The following NID2 variants were observed in gnomAD, a reference collection of about 807,000 sequenced individuals.
NID2 encodes nidogen-2.
NID2 carries 83 observed loss-of-function variants against 145.4 expected under a neutral mutation model. The observed-to-expected ratio is 0.57, with a 90% CI of 0.48 to 0.69. The LOEUF (loss-of-function observed/expected upper bound fraction) is 0.69. NID2 is among the 30% of genes least tolerant of loss of function. The probability of loss-of-function intolerance (pLI) is 0.00; values close to 1 mark genes in which losing one functional copy is unlikely to be tolerated. For synonymous variants in NID2, 739 were observed against 701.3 expected (o/e 1.05, Z -0.85); for missense variants, 1,807 against 1,765.7 (o/e 1.02, Z -0.42).
intron 2 of NID2, among the ~76,000 whole-genome samples, chr14:52,063,756 T>G (rs1186297728): frequency 2.0e-5 from 3 of 152,242 alleles, no homozygotes; most frequent in African/African-American, 7.2e-5. Context: ...CAGTGTTTGC[T>G]GTGAACACTA....
chr14:52,012,169 C>A (rs1234206341), intron 16 of NID2: 2 of 153,950 alleles, frequency 1.3e-5, no homozygotes, highest in Non-Finnish European at 2.9e-5. Flanking sequence ...TTCCCAGAGC[C>A]TTAATAAAAT....
chr14:52,006,375 A>G, intron 20 of NID2, 162 bp downstream of exon 20: 1 of 740,334 alleles, frequency 1.4e-6, no homozygotes, highest in Non-Finnish European at 2.2e-6. Flanking sequence ...GAAAGGATGA[A>G]AAACATCCTT....
At position 52,007,813 on chromosome 14, in the gene NID2, C is replaced by T. The variant is rs1368572613; in HGVS notation, c.3877G>A (p.Ala1293Thr). 1 of 1,613,474 alleles carries T rather than the reference C, an allele frequency of 6.2e-7. No homozygotes were observed. The highest frequency in any genetic ancestry group is 8.5e-7 in the Non-Finnish European group (1 of 1,179,644). The change falls in exon 19 of 22, where the codon GCA (alanine) becomes ACA (threonine). Residue 1293 changes from alanine (A) to threonine (T), a missense_variant. By Grantham distance (58) the Ala-to-Thr change is moderately conservative. Coordinates refer to ENST00000216286, the MANE Select transcript of NID2 (RefSeq NM_007361.4). ...PFSKLLCWAD[A>T]GTKKLECTLP... The stretch of plus-strand genomic sequence containing the variant: ...TGCATTCCATCAGTAGTATTACCTG[C>T]ATCTGCCCAGCAGAGCAGTTTAGAG...
intron 5 of NID2, among the ~76,000 whole-genome samples, chr14:52,047,582 G>A (rs1351948429): frequency 6.6e-6 from 1 of 152,148 alleles, no homozygotes; most frequent in Non-Finnish European, 1.5e-5. Context: ...CTGGTCCCTT[G>A]GTGGTAAGAA....
intron 2 of NID2, 97 bp from the exon 3 acceptor site, chr14:52,060,453 C>G: frequency 1.5e-6 from 1 of 650,422 alleles, no homozygotes; most frequent in Non-Finnish European, 2.4e-6. Flanking sequence ...AGCAAAGCAT[C>G]ATAACGTGCA....
intron 14 of NID2, among the ~76,000 whole-genome samples, chr14:52,016,870 G>T (rs1033057666): frequency 6.6e-6 from 1 of 152,180 alleles, no homozygotes; most frequent in African/African-American, 2.4e-5. Context: ...AAAAGACTGC[G>T]AATGAAGTTG....
Position 52,064,644 on chromosome 14 carries a change from T to A in NID2, c.534+3214A>T, listed in dbSNP as rs180790143. ...ACATGATTTTCAGAGGGGACAAATA[T>A]TCAACCATAGCGGGCAACCTTGCAC... On this transcript the variant is annotated intron_variant, in intron 2 of 21. Coordinates refer to ENST00000216286, the MANE Select transcript of NID2 (RefSeq NM_007361.4). Among the ~76,000 whole-genome samples the A allele has an allele frequency of 4.1e-4, 62 of 152,330 alleles. No individual in the cohort carries two copies. The East Asian group carries it at 0.011, about 28-fold the overall frequency.
chr14:52,063,240 G>A (rs1030479763), intron 2 of NID2, among the ~76,000 whole-genome samples: 6 of 152,232 alleles, frequency 3.9e-5, no homozygotes, highest in African/African-American at 7.2e-5. Context: ...TCTCCAAAGA[G>A]AAGCCCTCAG....
At chr14:52,048,166 C>T (rs1270226038) in intron 5 of NID2, among the ~76,000 whole-genome samples, 2 of 152,200 alleles carry the variant, frequency 1.3e-5, no homozygotes, top group Non-Finnish European at 2.9e-5. Flanking sequence ...GGAAATTTCT[C>T]GTGCTCATTT....
chr14:52,019,107 G>A lies in NID2; in HGVS notation c.2982C>T (p.Thr994=), dbSNP rs1381517692. 1.2e-6 allele frequency: 2 copies of A among 1,614,004 alleles called. No individual in the cohort carries two copies. Among genetic ancestry groups the A allele is most frequent in the Admixed American group, 3.3e-5 (2 of 59,998 alleles). Residue 994 remains threonine (T), a synonymous_variant, in exon 14 of 22, where the codon ACC becomes ACT. Coordinates refer to ENST00000216286, the MANE Select transcript of NID2 (RefSeq NM_007361.4). The part of the protein sequence containing the change: ...VDPDGHEVPG[T]QTPPGSTPPH... The stretch of plus-strand genomic sequence containing the variant: ...GCGGGGTGGAGCCAGGTGGAGTCTG[G>A]GTACCAGGAACTTCATGACCATCAG...
intron 2 of NID2, among the ~76,000 whole-genome samples, chr14:52,067,013 A>G (rs147872838): frequency 1.0e-3 from 154 of 152,360 alleles, no homozygotes; most frequent in African/African-American, 3.4e-3. Flanking sequence ...GTAAACTGGT[A>G]CCTGGAAGGC....
chr14:52,044,744 C>T (rs1051978843), intron 5 of NID2, among the ~76,000 whole-genome samples: 1 of 152,062 alleles, frequency 6.6e-6, no homozygotes, highest in African/African-American at 2.4e-5. Flanking sequence ...TTTTGAGTAG[C>T]CGCAGCCACA....
chr14:52,052,773 G>A (rs1892718867), intron 5 of NID2, among the ~76,000 whole-genome samples: 2 of 152,146 alleles, frequency 1.3e-5, no homozygotes, highest in Non-Finnish European at 2.9e-5. Flanking sequence ...TCCTATCAGA[G>A]GTCAGATGAG....
At position 52,011,569 on chromosome 14, in the gene NID2, T is replaced by C. The variant is rs774629254; in HGVS notation, c.3535A>G (p.Thr1179Ala). 3 of 1,614,026 alleles carry C rather than the reference T, an allele frequency of 1.9e-6. No homozygotes were observed. Among genetic ancestry groups the C allele is most frequent in the South Asian group, 1.1e-5 (1 of 91,080 alleles). The change falls in exon 17 of 22, where the codon ACG becomes GCG. Residue 1179 changes from threonine (T) to alanine (A), a missense_variant. Thr to Ala is a moderately conservative substitution (Grantham distance 58). Transcript: ENST00000216286. ...AGCTGCTGACCTGAATTCACGATCG[T>C]CTCAGGCTCTGCTCCCAGTTCCAGA... ...AGLELGAEPE[T>A]IVNSGLISPE...
Position 52,054,076 on chromosome 14 carries a change from C to T in NID2, c.1013G>A (p.Gly338Asp), listed in dbSNP as rs947019867. 6.2e-7 allele frequency: 1 copy of T among 1,614,158 alleles called. No individual in the cohort carries two copies. Among genetic ancestry groups the T allele is most frequent in the African/African-American group, 1.3e-5 (1 of 75,018 alleles). Reference sequence around the variant, plus strand: ...GAAGGAAACATCAATGCTGCTGTGGCCATTCAATGCCTCCTCTGGTTCACC... The same window carrying T: ...GAAGGAAACATCAATGCTGCTGTGGTCATTCAATGCCTCCTCTGGTTCACC... Reference protein sequence around the residue: ...LPGEPEEALNGHSSIDVSFQS... With the variant: ...LPGEPEEALNDHSSIDVSFQS... The change falls in exon 4 of 22, where the codon GGC becomes GAC. Residue 338 changes from glycine (G) to aspartate (D), a missense_variant. By Grantham distance (94) the Gly-to-Asp change is moderately conservative. Transcript: ENST00000216286.
At chr14:52,029,415 T>C (rs768996064) in intron 10 of NID2, 132 bp downstream of exon 10, 3 of 837,980 alleles carry the variant, frequency 3.6e-6, no homozygotes, top group Non-Finnish European at 5.5e-6. Context: ...ATATTCAGAT[T>C]AACAGCTGCT....
rs1193048986 is a variant in NID2 at position 52,004,885 on chromosome 14, C to CTT, written c.*599_*600dup. On this transcript the variant is annotated 3_prime_UTR_variant, in exon 22 of 22. Coordinates refer to ENST00000216286, the MANE Select transcript of NID2 (RefSeq NM_007361.4). ...ATCTTTGGTATTTATAAATGTGATACTTTACTTTCTGTGGGTACTTCTATA... is the reference window on the plus strand; with the variant it reads ...ATCTTTGGTATTTATAAATGTGATACTTTTTACTTTCTGTGGGTACTTCTATA... 1.8e-5 allele frequency: 3 copies of CTT among 165,440 alleles called. No individual in the cohort carries two copies. The highest frequency in any genetic ancestry group is 2.6e-5 in the Non-Finnish European group (2 of 77,292). The allele number at this position is 165,440 out of a possible 1,614,324, so 10.2% of individuals were successfully genotyped here.
At chr14:52,051,842 G>A (rs1054975214) in intron 5 of NID2, among the ~76,000 whole-genome samples, 2 of 152,158 alleles carry the variant, frequency 1.3e-5, no homozygotes, top group South Asian at 2.1e-4. Flanking sequence ...GACTGCATCC[G>A]GCAGCTGATA....
chr14:52,036,631 T>A (rs937749355), intron 9 of NID2, among the ~76,000 whole-genome samples: 2 of 152,244 alleles, frequency 1.3e-5, no homozygotes, highest in Admixed American at 6.5e-5. Flanking sequence ...CAGCAACGTA[T>A]GAGGGTTCCG....
Sources: allele counts gnomAD v4.1 joint callset (sites outside exome capture counted in the v4.1 genomes callset), GRCh38; gene constraint gnomAD v4.1.1; transcripts MANE v1.5; gene names NCBI Gene and HGNC (gene_info 2026-07-23, HGNC 2026-07-21).